ARHGAP15: variants seen among roughly 807,000 people sequenced by gnomAD.
ARHGAP15 encodes rho GTPase-activating protein 15.
Under a neutral mutation model 63.7 loss-of-function variants are expected in ARHGAP15, and 51 were observed. The ratio of observed to expected loss-of-function variants is 0.80; its 90% CI spans 0.64 to 1.01. The LOEUF is 1.01. Ranked by LOEUF, ARHGAP15 falls within the 50% of genes least tolerant of loss-of-function variation. ARHGAP15 has a pLI of 0.00. For missense variants in ARHGAP15, 560 were observed against 564.6 expected (o/e 0.99, Z 0.08); for synonymous variants, 191 against 193.8 (o/e 0.99, Z 0.12).
At chr2:143,546,659 G>A (rs552696656) in intron 10 of ARHGAP15, among the ~76,000 whole-genome samples, 1 of 151,842 alleles carries the variant, frequency 6.6e-6, no homozygotes. Flanking sequence ...TAGATTCATT[G>A]TTCTTGTTAC....
intron 13 of ARHGAP15, among the ~76,000 whole-genome samples, chr2:143,748,547 T>A (rs569485969): frequency 1.3e-5 from 2 of 152,310 alleles, no homozygotes; most frequent in East Asian, 3.9e-4. Context: ...ATAATCACAA[T>A]ATCTTTCAGT....
intron 13 of ARHGAP15, among the ~76,000 whole-genome samples, chr2:143,728,706 G>T (rs756657693): frequency 1.3e-5 from 2 of 152,136 alleles, no homozygotes; most frequent in Non-Finnish European, 2.9e-5. Flanking sequence ...CCTGTGTACA[G>T]TAAGTGTTAC....
chr2:143,665,290 C>G (rs1263576882), intron 12 of ARHGAP15, among the ~76,000 whole-genome samples: 6 of 106,792 alleles, frequency 5.6e-5, no homozygotes, highest in Admixed American at 1.0e-4. Flanking sequence ...TGTAATCCAG[C>G]ATATAAACAG....
chr2:143,384,871 G>C (rs1687210295), intron 6 of ARHGAP15, among the ~76,000 whole-genome samples: 1 of 152,036 alleles, frequency 6.6e-6, no homozygotes, highest in Non-Finnish European at 1.5e-5. Flanking sequence ...GTTGGGGGGA[G>C]GAAAAAAGCT....
intron 6 of ARHGAP15, among the ~76,000 whole-genome samples, chr2:143,261,112 T>C: frequency 6.6e-6 from 1 of 152,108 alleles, no homozygotes; most frequent in East Asian, 1.9e-4. Context: ...AATGTTTGTT[T>C]CAATAACATT....
At chr2:143,274,797 G>A (rs1681461515) in intron 6 of ARHGAP15, among the ~76,000 whole-genome samples, 1 of 152,132 alleles carries the variant, frequency 6.6e-6, no homozygotes, top group Admixed American at 6.6e-5. Flanking sequence ...AACAGTCTTT[G>A]AGAACCTAAC....
intron 6 of ARHGAP15, among the ~76,000 whole-genome samples, chr2:143,340,010 C>A (rs1267330685): frequency 1.3e-5 from 2 of 152,048 alleles, no homozygotes; most frequent in Non-Finnish European, 2.9e-5. Context: ...CTCACATAAC[C>A]CAACATTAGT....
At chr2:143,304,739 T>C (rs1201441094) in intron 6 of ARHGAP15, among the ~76,000 whole-genome samples, 1 of 152,140 alleles carries the variant, frequency 6.6e-6, no homozygotes, top group African/African-American at 2.4e-5. Flanking sequence ...AGCTCATCAC[T>C]GGTCATTAGA....
intron 8 of ARHGAP15, among the ~76,000 whole-genome samples, chr2:143,474,608 A>G (rs1691726867): frequency 6.6e-6 from 1 of 152,358 alleles, no homozygotes; most frequent in East Asian, 1.9e-4. Context: ...AGAGGTGCTG[A>G]CAGAAAACCA....
intron 6 of ARHGAP15, among the ~76,000 whole-genome samples, chr2:143,278,868 C>CTTTTTTT (rs965265275): frequency 2.2e-5 from 3 of 135,342 alleles, no homozygotes; most frequent in African/African-American, 2.7e-5. Flanking sequence ...TTCTTTCTTT[C>CTTTTTTT]TTTTTTTTTT....
intron 6 of ARHGAP15, among the ~76,000 whole-genome samples, chr2:143,266,662 T>G (rs553237701): frequency 2.6e-5 from 4 of 152,254 alleles, no homozygotes; most frequent in African/African-American, 9.6e-5. Context: ...GACAGAGAGA[T>G]AGAGTTCTCC....
chr2:143,669,769 C>T (rs757090952), intron 12 of ARHGAP15, among the ~76,000 whole-genome samples: 1 of 152,134 alleles, frequency 6.6e-6, no homozygotes, highest in Non-Finnish European at 1.5e-5. Context: ...AAACACTTGC[C>T]TCAGGGTATT....
intron 13 of ARHGAP15, among the ~76,000 whole-genome samples, chr2:143,706,025 A>C (rs1257722057): frequency 6.6e-6 from 1 of 152,170 alleles, no homozygotes; most frequent in East Asian, 1.9e-4. Flanking sequence ...ATCACTTCAC[A>C]GTATTCACAT....
chr2:143,137,738 T>A (rs1015700824), intron 1 of ARHGAP15, among the ~76,000 whole-genome samples: 1 of 152,042 alleles, frequency 6.6e-6, no homozygotes, highest in South Asian at 2.1e-4. Flanking sequence ...AAACAGAACA[T>A]CTCTTTAAAA....
intron 6 of ARHGAP15, among the ~76,000 whole-genome samples, chr2:143,288,404 T>C (rs951498087): frequency 2.6e-5 from 4 of 152,144 alleles, no homozygotes; most frequent in African/African-American, 9.7e-5. Flanking sequence ...AGTTTTAAAT[T>C]TTAAAACATG....
At chr2:143,192,153 G>C (rs1225744892) in intron 2 of ARHGAP15, among the ~76,000 whole-genome samples, 2 of 152,194 alleles carry the variant, frequency 1.3e-5, no homozygotes, top group Non-Finnish European at 2.9e-5. Context: ...AAATTCTTTG[G>C]TTTTGGCCAT....
At chr2:143,562,963 AT>A (rs1414795032) in intron 11 of ARHGAP15, among the ~76,000 whole-genome samples, 1 of 152,170 alleles carries the variant, frequency 6.6e-6, no homozygotes, top group Non-Finnish European at 1.5e-5. Flanking sequence ...TATACCACAC[AT>A]TTACCGTGGA....
chr2:143,578,948 T>A (rs1178974170), intron 11 of ARHGAP15, among the ~76,000 whole-genome samples: 1 of 152,160 alleles, frequency 6.6e-6, no homozygotes, highest in Non-Finnish European at 1.5e-5. Context: ...CATTTCATAA[T>A]ATACACTACA....
At chr2:143,627,529 A>T (rs141305668) in intron 12 of ARHGAP15, among the ~76,000 whole-genome samples, 97 of 152,310 alleles carry the variant, frequency 6.4e-4, no homozygotes, top group African/African-American at 2.2e-3. Context: ...TGTACTAAAA[A>T]GTCTTTCAAA....
Sources: gnomAD v4.1 joint callset for allele counts (sites outside exome capture counted in the v4.1 genomes callset) on GRCh38, gnomAD v4.1.1 for gene constraint, MANE v1.5 for transcripts, NCBI Gene and HGNC (gene_info 2026-07-23, HGNC 2026-07-21) for gene names.